The following CRYL1 variants were observed in gnomAD, a reference collection of about 807,000 sequenced individuals.
The protein encoded by CRYL1 is crystallin lambda 1, also known as lambda-crystallin homolog.
In CRYL1, 29 loss-of-function variants were observed where a neutral mutation model predicts 36.6. The observed-to-expected ratio is 0.79, with a 90% confidence interval of 0.59 to 1.08. The LOEUF is 1.08. Among genes scored for constraint, CRYL1 ranks in the 50% least tolerant of loss-of-function variants. The pLI is 0.00. For synonymous variants in CRYL1, 152 were observed against 151.5 expected (o/e 1.00, Z -0.02); for missense variants, 411 against 407.9 (o/e 1.01, Z -0.06).
chr13:20,414,859 G>T (rs1163331619), intron 5 of CRYL1, among the ~76,000 whole-genome samples: 1 of 152,218 alleles, frequency 6.6e-6, no homozygotes, highest in Non-Finnish European at 1.5e-5. Flanking sequence ...CATTTCCACT[G>T]TCAGGAGGGC....
chr13:20,423,501 C>G lies in CRYL1; in HGVS notation c.633+8601G>C, dbSNP rs552185216. 1.6e-4 allele frequency among the ~76,000 whole-genome samples: 24 copies of G among 152,264 alleles called. 1 individual carries two copies. In the South Asian group the frequency reaches 4.8e-3, roughly 30 times the overall value. The stretch of plus-strand genomic sequence containing the variant: ...TGCTGAATGTTGTCGTGTGCTTTTT[C>G]TGCATCTGTTGAGATGATCATATGG... On this transcript the variant is annotated intron_variant, in intron 5 of 7. Transcript: ENST00000298248.
intron 5 of CRYL1, among the ~76,000 whole-genome samples, chr13:20,428,877 C>T (rs2031991936): frequency 6.6e-6 from 1 of 152,156 alleles, no homozygotes; most frequent in African/African-American, 2.4e-5. Context: ...GCGCCCTGAA[C>T]CAAGTCACCT....
intron 6 of CRYL1, 55 bp from the exon 7 acceptor site, chr13:20,404,796 A>C (rs938173969): frequency 1.6e-6 from 2 of 1,228,650 alleles, no homozygotes; most frequent in Non-Finnish European, 2.4e-6. Context: ...ATTCTTAGTT[A>C]TATTCAAACT....
At chr13:20,516,486 C>CT (rs113073630) in intron 1 of CRYL1, among the ~76,000 whole-genome samples, 7,757 of 146,958 alleles carry the variant, frequency 0.053, 232 homozygotes, top group African/African-American at 0.073. Flanking sequence ...AAAAGATAAT[C>CT]TTTTTTTTTT....
At chr13:20,469,849 C>T (rs866290380) in intron 3 of CRYL1, among the ~76,000 whole-genome samples, 2 of 152,158 alleles carry the variant, frequency 1.3e-5, no homozygotes, top group South Asian at 4.1e-4. Flanking sequence ...ACTGGGCTCC[C>T]GATGGACTAC....
intron 7 of CRYL1, 134 bp downstream of exon 7, chr13:20,404,501 A>T: frequency 1.5e-6 from 1 of 676,772 alleles, no homozygotes; most frequent in Non-Finnish European, 2.6e-6. Context: ...AAAGTTATGA[A>T]TGAGGAACCA....
At chr13:20,504,068 G>C (rs1382374670) in intron 2 of CRYL1, among the ~76,000 whole-genome samples, 3 of 152,156 alleles carry the variant, frequency 2.0e-5, no homozygotes, top group Non-Finnish European at 4.4e-5. Flanking sequence ...ATTTCAGATA[G>C]GGACTCAGGC....
rs1199566760 is a variant in CRYL1 at position 20,430,127 on chromosome 13, GGA to G, written c.633+1973_633+1974del. 5.5e-6 allele frequency: 5 copies of G among 907,644 alleles called. No individual in the cohort carries two copies. The South Asian group carries it at 2.5e-4, about 46-fold the overall frequency. 56.2% of individuals were successfully genotyped at this position (907,644 alleles called of 1,614,324 possible). ...TGCCATTCCCACCCCACCCCTGCCA[GGA>G]GAGGACCTGAAGTTTCTAGAGCTGC... On this transcript the variant is annotated intron_variant, in intron 5 of 7. Transcript: ENST00000298248.
At chr13:20,458,533 C>T (rs760919682) in intron 3 of CRYL1, among the ~76,000 whole-genome samples, 1 of 152,144 alleles carries the variant, frequency 6.6e-6, no homozygotes, top group African/African-American at 2.4e-5. Context: ...AAAATGCTAA[C>T]CTTAATTTTA....
At chr13:20,487,402 T>C (rs1006791634) in intron 3 of CRYL1, among the ~76,000 whole-genome samples, 1 of 152,270 alleles carries the variant, frequency 6.6e-6, no homozygotes, top group African/African-American at 2.4e-5. Context: ...AAGCTCTGCA[T>C]AGCAAACATC....
intron 5 of CRYL1, chr13:20,426,794 C>T (rs769914947): frequency 6.9e-5 from 68 of 985,330 alleles, no homozygotes; most frequent in Non-Finnish European, 7.8e-5. Flanking sequence ...TAAAGCTCAA[C>T]GATGAAGTTC....
At chr13:20,427,336 T>C in intron 5 of CRYL1, 1 of 985,170 alleles carries the variant, frequency 1.0e-6, no homozygotes, top group Non-Finnish European at 1.2e-6. Flanking sequence ...AGTGAACATC[T>C]GTGAGATGGC....
chr13:20,448,570 A>T (rs919361318), intron 3 of CRYL1, among the ~76,000 whole-genome samples: 8 of 152,246 alleles, frequency 5.3e-5, no homozygotes, highest in Non-Finnish European at 1.2e-4. Context: ...AAGAGGAAAA[A>T]GTCACATTAT....
chr13:20,433,756 T>C (rs576873921), intron 4 of CRYL1: 69 of 154,534 alleles, frequency 4.5e-4, no homozygotes, highest in African/African-American at 1.6e-3. Flanking sequence ...CTTTCAAACA[T>C]TGTAAGCCTC....
intron 3 of CRYL1, among the ~76,000 whole-genome samples, chr13:20,448,580 T>C (rs962683279): frequency 2.6e-5 from 4 of 152,214 alleles, no homozygotes; most frequent in Admixed American, 6.5e-5. Context: ...AGTCACATTA[T>C]ATACATAAAA....
At chr13:20,466,044 C>T (rs528154260) in intron 3 of CRYL1, among the ~76,000 whole-genome samples, 5 of 152,016 alleles carry the variant, frequency 3.3e-5, no homozygotes, top group Non-Finnish European at 7.4e-5. Flanking sequence ...TGGGTGGGAG[C>T]AGCCTAAAGC....
chr13:20,475,709 G>A (rs2033152620), intron 3 of CRYL1, among the ~76,000 whole-genome samples: 1 of 152,168 alleles, frequency 6.6e-6, no homozygotes, highest in Admixed American at 6.5e-5. Flanking sequence ...GGGAACAGAG[G>A]GGAATCACCT....
At chr13:20,414,793 T>G (rs1051598285) in intron 5 of CRYL1, among the ~76,000 whole-genome samples, 2 of 152,224 alleles carry the variant, frequency 1.3e-5, no homozygotes, top group South Asian at 4.1e-4. Flanking sequence ...GATAATGATC[T>G]GCAAGAGCTG....
intron 1 of CRYL1, among the ~76,000 whole-genome samples, chr13:20,515,103 T>C (rs569265807): frequency 6.6e-6 from 1 of 152,318 alleles, no homozygotes; most frequent in African/African-American, 2.4e-5. Flanking sequence ...GGTTCACGTA[T>C]TGTATGATTC....
Sources: allele counts gnomAD v4.1 joint callset (sites outside exome capture counted in the v4.1 genomes callset), GRCh38; gene constraint gnomAD v4.1.1; transcripts MANE v1.5; gene names NCBI Gene and HGNC (gene_info 2026-07-23, HGNC 2026-07-21).